Variants in ZNF569 observed in about 807,000 individuals in gnomAD.
The protein encoded by ZNF569 is zinc finger protein 569.
Under a neutral mutation model 56.3 loss-of-function variants are expected in ZNF569, and 38 were observed. That is an observed-to-expected ratio of 0.68 (90% CI 0.52 to 0.88). ZNF569 has a LOEUF of 0.88. Ranked by LOEUF, ZNF569 falls within the 40% of genes least tolerant of loss-of-function variation. The pLI is 0.00. For missense variants in ZNF569, 666 were observed against 809.2 expected (o/e 0.82, Z 2.15); for synonymous variants, 241 against 262.9 (o/e 0.92, Z 0.81).
chr19:37,453,802 C>G (rs1376475580), intron 2 of ZNF569, among the ~76,000 whole-genome samples: 1 of 152,104 alleles, frequency 6.6e-6, no homozygotes, highest in Non-Finnish European at 1.5e-5. Flanking sequence ...CTCCAATTAC[C>G]CATCAGGTCC....
intron 5 of ZNF569, among the ~76,000 whole-genome samples, chr19:37,424,305 GTA>G (rs1277830505): frequency 6.6e-6 from 1 of 152,108 alleles, no homozygotes; most frequent in African/African-American, 2.4e-5. Context: ...AAAGGATCCT[GTA>G]TATGAGGGTG....
chr19:37,412,529 A>G lies in ZNF569; in HGVS notation c.*68T>C. The stretch of plus-strand genomic sequence containing the variant: ...ATAGTTTTCTACTCTGGAAGTGATC[A>G]TGTAATGTGCAATGAGGTGTTAATT... On this transcript the variant is annotated 3_prime_UTR_variant, in exon 6 of 6. Coordinates refer to ENST00000316950, the MANE Select transcript of ZNF569 (RefSeq NM_152484.3). 2 of 1,501,290 alleles carry G rather than the reference A, an allele frequency of 1.3e-6. No homozygotes were observed. Among genetic ancestry groups the G allele is most frequent in the Non-Finnish European group, 1.8e-6 (2 of 1,128,192 alleles). 93.0% of individuals were successfully genotyped at this position (1,501,290 alleles called of 1,614,324 possible).
intron 3 of ZNF569, among the ~76,000 whole-genome samples, chr19:37,428,517 T>C (rs560973984): frequency 1.8e-4 from 24 of 133,232 alleles, no homozygotes; most frequent in Non-Finnish European, 3.6e-4. Context: ...AACAAGACCC[T>C]GTCTCTTAAA....
chr19:37,449,580 A>T (rs1198166093), intron 2 of ZNF569, among the ~76,000 whole-genome samples: 1 of 150,030 alleles, frequency 6.7e-6, no homozygotes, highest in African/African-American at 2.4e-5. Flanking sequence ...CCCCTTGAGC[A>T]TTATGTTTCT....
In ZNF569 at chr19:37,411,197, T is replaced by C. The variant is rs577932694; in HGVS notation, c.*1400A>G. 6.9e-4 allele frequency: 105 copies of C among 152,268 alleles called. No homozygotes were observed. The highest frequency in any genetic ancestry group is 2.5e-3 in the African/African-American group (102 of 41,564). 9.4% of individuals were successfully genotyped at this position (152,268 alleles called of 1,614,324 possible). ...TTATTAAAGAAATATTACAGATAAA[T>C]ATAACAACTCCCACCAAACCTTTCC... On this transcript the variant is annotated 3_prime_UTR_variant, in exon 6 of 6. Coordinates refer to ENST00000316950, the MANE Select transcript of ZNF569 (RefSeq NM_152484.3).
chr19:37,461,836 T>C (rs1469709766), intron 2 of ZNF569, among the ~76,000 whole-genome samples: 1 of 152,200 alleles, frequency 6.6e-6, no homozygotes, highest in East Asian at 1.9e-4. Context: ...CTTTGCTTCA[T>C]GAAACCAACA....
intron 5 of ZNF569, among the ~76,000 whole-genome samples, chr19:37,425,429 C>T (rs1407429560): frequency 6.7e-6 from 1 of 148,842 alleles, no homozygotes. Context: ...TCAAGCGATT[C>T]TCCTGCCTCA....
intron 3 of ZNF569, among the ~76,000 whole-genome samples, chr19:37,427,285 C>A (rs1193894777): frequency 1.3e-5 from 2 of 151,894 alleles, no homozygotes; most frequent in Non-Finnish European, 2.9e-5. Flanking sequence ...CCACTACACT[C>A]CAGCCTGGGT....
chr19:37,424,164 AAAAT>A (rs2041084851), intron 5 of ZNF569, among the ~76,000 whole-genome samples: 1 of 152,184 alleles, frequency 6.6e-6, no homozygotes, highest in Non-Finnish European at 1.5e-5. Flanking sequence ...GTAAAACCTA[AAAAT>A]ACAGTGGGAA....
intron 2 of ZNF569, among the ~76,000 whole-genome samples, chr19:37,464,829 C>T (rs1351375953): frequency 6.6e-6 from 1 of 152,210 alleles, no homozygotes; most frequent in African/African-American, 2.4e-5. Context: ...CATTCGTCCT[C>T]CCATAGGCCA....
chr19:37,440,198 C>CA (rs1395535749), intron 3 of ZNF569, among the ~76,000 whole-genome samples: 7 of 151,702 alleles, frequency 4.6e-5, no homozygotes, highest in Admixed American at 2.6e-4. Flanking sequence ...TACGTATCCA[C>CA]AAAAACTAAA....
intron 3 of ZNF569, among the ~76,000 whole-genome samples, chr19:37,444,097 T>C (rs747965624): frequency 1.3e-5 from 2 of 152,162 alleles, no homozygotes; most frequent in Non-Finnish European, 2.9e-5. Context: ...TGGACTAGTC[T>C]TAAGCATAAA....
At chr19:37,461,267 T>G (rs990048318) in intron 2 of ZNF569, among the ~76,000 whole-genome samples, 2 of 151,840 alleles carry the variant, frequency 1.3e-5, no homozygotes, top group Admixed American at 1.3e-4. Context: ...ACCGGTATAG[T>G]GGTAAGAAGA....
upstream of ZNF569, chr19:37,467,946 T>C: frequency 6.5e-7 from 1 of 1,536,132 alleles, no homozygotes; most frequent in Non-Finnish European, 8.7e-7. Context: ...ACAGTGTTAT[T>C]GGATTTCATG....
chr19:37,420,019 C>T (rs2041006508), intron 5 of ZNF569, among the ~76,000 whole-genome samples: 1 of 134,678 alleles, frequency 7.4e-6, no homozygotes, highest in African/African-American at 2.9e-5. Context: ...GTCGCCCAGG[C>T]AAGAGTGCAG....
At chr19:37,449,415 C>T (rs1304897417) in intron 2 of ZNF569, among the ~76,000 whole-genome samples, 1 of 152,178 alleles carries the variant, frequency 6.6e-6, no homozygotes, top group Non-Finnish European at 1.5e-5. Flanking sequence ...GATATCCTTT[C>T]ACGCTCTATC....
At chr19:37,447,788 G>A (rs564534684) in intron 2 of ZNF569, among the ~76,000 whole-genome samples, 11 of 152,254 alleles carry the variant, frequency 7.2e-5, no homozygotes, top group Non-Finnish European at 1.5e-4. Context: ...GTTTGCTGAG[G>A]AGTTGCTTTG....
intron 2 of ZNF569, among the ~76,000 whole-genome samples, chr19:37,459,280 C>T (rs2041721625): frequency 7.1e-6 from 1 of 141,586 alleles, no homozygotes; most frequent in African/African-American, 2.7e-5. Context: ...GAAAAAACAA[C>T]AACAAAAAAA....
chr19:37,425,737 C>A, intron 5 of ZNF569, 131 bp downstream of exon 5: 1 of 745,454 alleles, frequency 1.3e-6, no homozygotes, highest in Middle Eastern at 3.0e-4. Context: ...AGTGCTGGGA[C>A]TATAGGTATG....
Sources: allele counts gnomAD v4.1 joint callset (sites outside exome capture counted in the v4.1 genomes callset), GRCh38; gene constraint gnomAD v4.1.1; transcripts MANE v1.5; gene names NCBI Gene and HGNC (gene_info 2026-07-23, HGNC 2026-07-21).